SHISA9: variants seen among roughly 807,000 people sequenced by gnomAD.
SHISA9 encodes shisa family member 9.
A neutral mutation model predicts 38.0 loss-of-function variants in SHISA9; 13 were observed. That is an observed-to-expected ratio of 0.34 (90% CI 0.22 to 0.54). The LOEUF (loss-of-function observed/expected upper bound fraction) is 0.54, where lower values mean the gene tolerates loss of function less well. Among genes scored for constraint, SHISA9 ranks in the 20% least tolerant of loss-of-function variants. The pLI, the probability that SHISA9 is intolerant of heterozygous loss-of-function variation, is 0.91. For missense variants in SHISA9, 538 were observed against 575.8 expected, an observed-to-expected ratio of 0.93 and a Z score of 0.67; for synonymous variants, 275 against 242.0, an observed-to-expected ratio of 1.14 and a Z score of -1.27.
At chr16:13,468,537 C>G in the SHISA9 span, among the ~76,000 whole-genome samples, 1 of 152,216 alleles carries the variant, frequency 6.6e-6, no homozygotes, top group Non-Finnish European at 1.5e-5. Context: ...TCCTCTAATT[C>G]TATCCTATGT....
At chr16:12,908,344 T>C in intron 1 of SHISA9, 1 of 1,392,220 alleles carries the variant, frequency 7.2e-7, no homozygotes, top group Non-Finnish European at 9.6e-7. Context: ...AGGGAGGGTC[T>C]ATATGTGACT....
At chr16:13,169,811 T>C (rs1433755888) in intron 2 of SHISA9, among the ~76,000 whole-genome samples, 1 of 152,174 alleles carries the variant, frequency 6.6e-6, no homozygotes, top group African/African-American at 2.4e-5. Context: ...TTCGGATCAC[T>C]CTCTTCTCTT....
chr16:13,086,126 G>C (rs766927710), intron 2 of SHISA9, among the ~76,000 whole-genome samples: 1 of 152,020 alleles, frequency 6.6e-6, no homozygotes, highest in Admixed American at 6.6e-5. Context: ...GGGAGGCCGA[G>C]GCGGGCAGAT....
intron 1 of SHISA9, 70 bp from the exon 2 acceptor site, chr16:12,916,618 G>T: frequency 2.0e-6 from 3 of 1,503,760 alleles, no homozygotes; most frequent in Middle Eastern, 1.7e-4. Flanking sequence ...CGCGACTGCA[G>T]TACTCGGCGC....
chr16:12,947,017 T>C (rs2071697730), intron 2 of SHISA9, among the ~76,000 whole-genome samples: 1 of 152,230 alleles, frequency 6.6e-6, no homozygotes, highest in African/African-American at 2.4e-5. Context: ...ACACATTCAC[T>C]CTCTGGCCTT....
intron 2 of SHISA9, among the ~76,000 whole-genome samples, chr16:13,167,801 A>C (rs1215286881): frequency 6.6e-6 from 1 of 152,154 alleles, no homozygotes; most frequent in Non-Finnish European, 1.5e-5. Flanking sequence ...GGAACTGTGA[A>C]CCAATAAAAC....
At chr16:12,907,408 T>G (rs2071116848) in intron 1 of SHISA9, among the ~76,000 whole-genome samples, 1 of 146,648 alleles carries the variant, frequency 6.8e-6, no homozygotes, top group South Asian at 2.4e-4. Context: ...CCTCCCTCCC[T>G]TTCTTCTTTC....
intron 2 of SHISA9, among the ~76,000 whole-genome samples, chr16:12,960,433 T>C (rs2071893658): frequency 6.6e-6 from 1 of 152,128 alleles, no homozygotes; most frequent in Non-Finnish European, 1.5e-5. Flanking sequence ...CTCAAAGGAA[T>C]AGAAATCACC....
the SHISA9 span, among the ~76,000 whole-genome samples, chr16:13,480,974 T>G: frequency 6.6e-6 from 1 of 152,150 alleles, no homozygotes; most frequent in Non-Finnish European, 1.5e-5. Flanking sequence ...GCTCAGCATA[T>G]AAACAAAAGC....
the SHISA9 span, among the ~76,000 whole-genome samples, chr16:13,416,714 A>G: frequency 1.1e-4 from 16 of 150,148 alleles, no homozygotes; most frequent in East Asian, 4.0e-4. Context: ...AAAAAGAAGA[A>G]AGAGAAAGAA....
Position 13,238,815 on chromosome 16 carries a change from T to TTTTTATTA in SHISA9, c.*3408_*3409insTTATTATT, listed in dbSNP as rs373980000. 8.1e-5 allele frequency: 11 copies of TTTTTATTA among 136,142 alleles called. 1 individual carries two copies. In the Middle Eastern group the frequency reaches 0.019, roughly 231 times the overall value. 8.4% of individuals were successfully genotyped at this position (136,142 alleles called of 1,614,324 possible). On this transcript the variant is annotated 3_prime_UTR_variant, in exon 5 of 5. Coordinates refer to ENST00000558583, the MANE Select transcript of SHISA9 (RefSeq NM_001145204.3). The stretch of plus-strand genomic sequence containing the variant: ...TTTTTTTTAATGTATCCATGGAGTA[T>TTTTTATTA]TTATTATTATTATTATTATTATTAT...
intron 2 of SHISA9, among the ~76,000 whole-genome samples, chr16:13,002,252 C>G (rs1234703285): frequency 1.3e-5 from 2 of 152,154 alleles, no homozygotes; most frequent in Non-Finnish European, 2.9e-5. Flanking sequence ...TACTAACTGG[C>G]AGAGACAGGC....
At chr16:13,425,927 G>A in the SHISA9 span, among the ~76,000 whole-genome samples, 1 of 152,148 alleles carries the variant, frequency 6.6e-6, no homozygotes, top group Non-Finnish European at 1.5e-5. Flanking sequence ...AAGCCTAGAT[G>A]GAGTTCTTGG....
chr16:13,370,816 AAG>A, the SHISA9 span, among the ~76,000 whole-genome samples: 1 of 152,174 alleles, frequency 6.6e-6, no homozygotes, highest in Non-Finnish European at 1.5e-5. Context: ...TCTAGTCTGA[AAG>A]AGAGGCTGGG....
chr16:13,529,892 T>C, the SHISA9 span, among the ~76,000 whole-genome samples: 2 of 152,350 alleles, frequency 1.3e-5, no homozygotes, highest in Non-Finnish European at 2.9e-5. Context: ...GAGGAAATCC[T>C]ATTCTCTTGA....
intron 2 of SHISA9, among the ~76,000 whole-genome samples, chr16:13,015,853 C>CCTTTCTTTCTTTCTTTCTTTCTTT (rs201249295): frequency 7.4e-4 from 73 of 98,632 alleles, no homozygotes; most frequent in East Asian, 1.5e-3. Flanking sequence ...TCTTTCTTTC[C>CCTTTCTTTCTTTCTTTCTTTCTTT]CTTTCTTTCT....
At chr16:13,489,190 A>G in the SHISA9 span, among the ~76,000 whole-genome samples, 1 of 151,854 alleles carries the variant, frequency 6.6e-6, no homozygotes. Context: ...TGGGATTACA[A>G]GCGCATGCCA....
intron 2 of SHISA9, among the ~76,000 whole-genome samples, chr16:13,083,999 A>G (rs1264088374): frequency 6.6e-6 from 1 of 152,190 alleles, no homozygotes. Context: ...AGATCAGGCA[A>G]CTTGCCCAAG....
chr16:13,276,899 G>A, the SHISA9 span, among the ~76,000 whole-genome samples: 1 of 152,026 alleles, frequency 6.6e-6, no homozygotes, highest in East Asian at 1.9e-4. Context: ...CTTTTACCAT[G>A]CAAAAGCTCT....
Sources: allele counts gnomAD v4.1 joint callset (sites outside exome capture counted in the v4.1 genomes callset), GRCh38; gene constraint gnomAD v4.1.1; transcripts MANE v1.5; gene names NCBI Gene and HGNC (gene_info 2026-07-23, HGNC 2026-07-21).